Variants in NKAIN2 observed in about 807,000 individuals in gnomAD.
NKAIN2 encodes sodium/potassium-transporting ATPase subunit beta-1-interacting protein 2.
NKAIN2 carries 14 observed loss-of-function variants against 32.6 expected under a neutral mutation model. The ratio of observed to expected loss-of-function variants is 0.43; its 90% confidence interval spans 0.28 to 0.67. The LOEUF (loss-of-function observed/expected upper bound fraction) is 0.67. Ranked by LOEUF, NKAIN2 falls within the 30% of genes least tolerant of loss-of-function variation. NKAIN2 has a pLI of 0.17. For synonymous variants in NKAIN2, 80 were observed against 87.2 expected, an observed-to-expected ratio of 0.92 and a Z score of 0.46; for missense variants, 198 against 258.3, an observed-to-expected ratio of 0.77 and a Z score of 1.60.
intron 1 of NKAIN2, among the ~76,000 whole-genome samples, chr6:123,932,114 G>A (rs1210159595): frequency 1.3e-5 from 2 of 152,318 alleles, no homozygotes; most frequent in East Asian, 1.9e-4. Flanking sequence ...CTCTGCATAA[G>A]TTTGGCTGCT....
intron 2 of NKAIN2, among the ~76,000 whole-genome samples, chr6:124,333,302 C>G (rs1028345155): frequency 1.3e-5 from 2 of 152,046 alleles, no homozygotes; most frequent in Non-Finnish European, 2.9e-5. Context: ...AATTAACAAC[C>G]ATTTACTATC....
At chr6:123,858,505 A>T (rs908987073) in intron 1 of NKAIN2, among the ~76,000 whole-genome samples, 1 of 152,240 alleles carries the variant, frequency 6.6e-6, no homozygotes, top group African/African-American at 2.4e-5. Flanking sequence ...ATTTTTCCAA[A>T]TACATATTTA....
intron 1 of NKAIN2, among the ~76,000 whole-genome samples, chr6:124,221,562 G>T (rs564574403): frequency 4.6e-5 from 7 of 151,810 alleles, no homozygotes; most frequent in African/African-American, 1.7e-4. Flanking sequence ...ATAATAATAA[G>T]AGAGAGAAAA....
rs554522422 is a variant in NKAIN2 at position 124,134,142 on chromosome 6, G to A, written c.55-148863G>A. Among the ~76,000 whole-genome samples, 38 of 147,476 alleles carry A rather than the reference G, an allele frequency of 2.6e-4. No individual in the cohort carries two copies. In the East Asian group the frequency reaches 7.4e-3, roughly 29 times the overall value. ...AAGAAATTAAAAAAAAAAAAATTAA[G>A]GATGTTGGTGAAAATTTTCCAGAGA... On this transcript the variant is annotated intron_variant, in intron 1 of 6. Transcript: ENST00000368417.
intron 1 of NKAIN2, among the ~76,000 whole-genome samples, chr6:123,965,874 A>ACCCAGTCT (rs1286615646): frequency 6.6e-6 from 1 of 152,102 alleles, no homozygotes. Context: ...ATACAATAAA[A>ACCCAGTCT]CCCAGTCTAA....
chr6:124,706,121 G>C (rs1440833678), intron 4 of NKAIN2, among the ~76,000 whole-genome samples: 1 of 152,084 alleles, frequency 6.6e-6, no homozygotes, highest in Non-Finnish European at 1.5e-5. Flanking sequence ...TTTTCCATTG[G>C]TCTGTTCCAG....
At chr6:124,182,949 C>A (rs560286888) in intron 1 of NKAIN2, among the ~76,000 whole-genome samples, 1 of 152,128 alleles carries the variant, frequency 6.6e-6, no homozygotes, top group Non-Finnish European at 1.5e-5. Context: ...AGAACTAGCC[C>A]TAAAGCCTAA....
chr6:124,000,632 A>C (rs2114711020), intron 1 of NKAIN2, among the ~76,000 whole-genome samples: 1 of 152,170 alleles, frequency 6.6e-6, no homozygotes, highest in East Asian at 1.9e-4. Context: ...TGGGTTCTTA[A>C]ATTATCTCCA....
chr6:124,535,022 C>A (rs117836005), intron 3 of NKAIN2, among the ~76,000 whole-genome samples: 1 of 152,112 alleles, frequency 6.6e-6, no homozygotes, highest in Admixed American at 6.5e-5. Flanking sequence ...ATACATAATA[C>A]AATGTAAATG....
intron 4 of NKAIN2, among the ~76,000 whole-genome samples, chr6:124,731,024 C>T (rs1002827555): frequency 6.9e-6 from 1 of 145,198 alleles, no homozygotes; most frequent in African/African-American, 2.6e-5. Context: ...CCATCTCACA[C>T]CAGGTAGAAT....
chr6:124,429,582 T>C (rs1935642967), intron 3 of NKAIN2, among the ~76,000 whole-genome samples: 2 of 152,208 alleles, frequency 1.3e-5, no homozygotes, highest in South Asian at 4.1e-4. Context: ...ATTTTCTTTG[T>C]ATCATTGGTG....
intron 1 of NKAIN2, among the ~76,000 whole-genome samples, chr6:124,210,349 A>T (rs775586460): frequency 6.6e-6 from 1 of 151,908 alleles, no homozygotes; most frequent in Admixed American, 6.6e-5. Flanking sequence ...ACTATGTAGT[A>T]TAGTTAAAAG....
chr6:124,218,723 T>G (rs1177270568), intron 1 of NKAIN2, among the ~76,000 whole-genome samples: 2 of 152,202 alleles, frequency 1.3e-5, no homozygotes, highest in Non-Finnish European at 1.5e-5. Context: ...GTAGATAGAT[T>G]TAGTGTGCTC....
At chr6:123,947,813 C>T (rs572508242) in intron 1 of NKAIN2, among the ~76,000 whole-genome samples, 1 of 152,070 alleles carries the variant, frequency 6.6e-6, no homozygotes, top group Non-Finnish European at 1.5e-5. Flanking sequence ...TTGTTGTTAA[C>T]TATAGTCACC....
intron 1 of NKAIN2, among the ~76,000 whole-genome samples, chr6:124,028,227 G>T (rs553452020): frequency 6.6e-6 from 1 of 152,088 alleles, no homozygotes; most frequent in Admixed American, 6.6e-5. Flanking sequence ...TTCTCTGAAT[G>T]CCAGTAACAA....
chr6:124,059,176 G>A (rs7765184), intron 1 of NKAIN2, among the ~76,000 whole-genome samples: 29,789 of 151,910 alleles, frequency 0.2, 3,758 homozygotes, highest in African/African-American at 0.36. Context: ...TAAGTCTTAC[G>A]TTTTATCTCC....
At chr6:123,947,493 G>A (rs1777121764) in intron 1 of NKAIN2, among the ~76,000 whole-genome samples, 1 of 152,094 alleles carries the variant, frequency 6.6e-6, no homozygotes, top group Non-Finnish European at 1.5e-5. Flanking sequence ...TATATCCTGT[G>A]TTGCAGAAAG....
chr6:124,173,058 T>C lies in NKAIN2; in HGVS notation c.55-109947T>C, dbSNP rs980223896. On this transcript the variant is annotated intron_variant, in intron 1 of 6. Transcript: ENST00000368417. Reference sequence around the variant, plus strand: ...ATTTTACAACTGAAGTAGAATATGATTGGGGATTATCTGAAGTCTCCTCTA... The same window carrying C: ...ATTTTACAACTGAAGTAGAATATGACTGGGGATTATCTGAAGTCTCCTCTA... Among the ~76,000 whole-genome samples, 11 of 152,202 alleles carry C rather than the reference T, an allele frequency of 7.2e-5. No homozygotes were observed. In the East Asian group the frequency reaches 7.7e-4, roughly 11 times the overall value.
At chr6:124,374,412 G>C (rs1583149207) in intron 3 of NKAIN2, among the ~76,000 whole-genome samples, 3 of 152,112 alleles carry the variant, frequency 2.0e-5, no homozygotes, top group Admixed American at 2.0e-4. Context: ...CCATTAACAG[G>C]GTTGTCAAGT....
Sources: allele counts gnomAD v4.1 joint callset (sites outside exome capture counted in the v4.1 genomes callset), GRCh38; gene constraint gnomAD v4.1.1; transcripts MANE v1.5; gene names NCBI Gene and HGNC (gene_info 2026-07-23, HGNC 2026-07-21).